The following CSNK2A2IP variants were observed in gnomAD, a reference collection of about 807,000 sequenced individuals.
The protein encoded by CSNK2A2IP is casein kinase 2 subunit alpha' interacting protein, also known as casein kinase II subunit alpha'-interacting protein.
At chr3:88,421,296 C>T in the CSNK2A2IP span, among the ~76,000 whole-genome samples, 1 of 152,172 alleles carries the variant, frequency 6.6e-6, no homozygotes, top group Non-Finnish European at 1.5e-5. Flanking sequence ...GGAGACCTCT[C>T]TACTAAGGCC....
the CSNK2A2IP span, among the ~76,000 whole-genome samples, chr3:88,411,364 T>A: frequency 6.9e-5 from 9 of 129,768 alleles, no homozygotes; most frequent in Admixed American, 4.2e-4. Flanking sequence ...TATCTATCTA[T>A]CTATCTATCT....
At chr3:88,392,300 AT>A in the CSNK2A2IP span, among the ~76,000 whole-genome samples, 1 of 152,216 alleles carries the variant, frequency 6.6e-6, no homozygotes, top group Non-Finnish European at 1.5e-5. Flanking sequence ...TCAGGAGAGA[AT>A]TCAGGAGATA....
chr3:88,439,497 A>G, the CSNK2A2IP span, among the ~76,000 whole-genome samples: 1 of 152,012 alleles, frequency 6.6e-6, no homozygotes, highest in African/African-American at 2.4e-5. Context: ...TAATCTTGGC[A>G]CTTTGGGAGG....
chr3:88,466,184 C>G, the CSNK2A2IP span: 1 of 1,231,632 alleles, frequency 8.1e-7, no homozygotes, highest in Non-Finnish European at 1.0e-6. Context: ...TTACTTGACT[C>G]TAGGCTTCAG....
chr3:88,386,117 T>C, the CSNK2A2IP span, among the ~76,000 whole-genome samples: 1 of 150,528 alleles, frequency 6.6e-6, no homozygotes, highest in African/African-American at 2.5e-5. Context: ...ATTTCTTTTC[T>C]ATGCTATTTT....
chr3:88,372,719 A>G, the CSNK2A2IP span, among the ~76,000 whole-genome samples: 1 of 151,488 alleles, frequency 6.6e-6, no homozygotes, highest in East Asian at 1.9e-4. Flanking sequence ...TATCTTGCCT[A>G]CGAGAGATGT....
chr3:88,466,078 T>C, the CSNK2A2IP span: 1 of 1,231,590 alleles, frequency 8.1e-7, no homozygotes, highest in Admixed American at 4.2e-5. Flanking sequence ...TCAAAGATCT[T>C]TGAGTTCACC....
the CSNK2A2IP span, among the ~76,000 whole-genome samples, chr3:88,434,126 G>A: frequency 6.6e-6 from 1 of 152,118 alleles, no homozygotes; most frequent in African/African-American, 2.4e-5. Flanking sequence ...GGGGCATGGA[G>A]GAGATTGGGT....
At chr3:88,341,695 G>C in the CSNK2A2IP span, among the ~76,000 whole-genome samples, 1 of 151,808 alleles carries the variant, frequency 6.6e-6, no homozygotes, top group Admixed American at 6.6e-5. Flanking sequence ...AGATGACCTT[G>C]AACTATTTTC....
the CSNK2A2IP span, among the ~76,000 whole-genome samples, chr3:88,404,453 C>T: frequency 2.0e-5 from 3 of 152,150 alleles, no homozygotes; most frequent in Non-Finnish European, 4.4e-5. Context: ...TCCAAGAAAA[C>T]TCTTCCTCTA....
At chr3:88,354,242 C>T in the CSNK2A2IP span, among the ~76,000 whole-genome samples, 1 of 152,076 alleles carries the variant, frequency 6.6e-6, no homozygotes, top group Admixed American at 6.5e-5. Context: ...TCTTTTATGG[C>T]AACACAAAAT....
the CSNK2A2IP span, among the ~76,000 whole-genome samples, chr3:88,449,874 T>TATATAGAG: frequency 8.6e-5 from 6 of 70,112 alleles, no homozygotes; most frequent in African/African-American, 2.3e-4. Flanking sequence ...TATATATATA[T>TATATAGAG]AGAGAGAGAG....
chr3:88,354,218 C>T, the CSNK2A2IP span, among the ~76,000 whole-genome samples: 1 of 152,100 alleles, frequency 6.6e-6, no homozygotes, highest in African/African-American at 2.4e-5. Context: ...TTATAAATAC[C>T]CAGCCTTAGG....
the CSNK2A2IP span, among the ~76,000 whole-genome samples, chr3:88,361,401 AT>A: frequency 6.6e-6 from 1 of 151,904 alleles, no homozygotes; most frequent in Non-Finnish European, 1.5e-5. Context: ...GGGTTGGAAG[AT>A]TTTTTTCCTC....
chr3:88,339,418 C>A, the CSNK2A2IP span, among the ~76,000 whole-genome samples: 6 of 152,028 alleles, frequency 3.9e-5, no homozygotes, highest in African/African-American at 1.2e-4. Flanking sequence ...TGTATATGTG[C>A]CACATTTTCT....
the CSNK2A2IP span, among the ~76,000 whole-genome samples, chr3:88,379,655 AC>A: frequency 6.6e-6 from 1 of 152,066 alleles, no homozygotes. Flanking sequence ...TAATGTACAA[AC>A]CCACTCAGTT....
At chr3:88,418,119 C>T in the CSNK2A2IP span, among the ~76,000 whole-genome samples, 14 of 151,976 alleles carry the variant, frequency 9.2e-5, no homozygotes, top group Non-Finnish European at 1.8e-4. Flanking sequence ...GAAAATCCAT[C>T]GAACAAACTC....
At chr3:88,393,267 G>A in the CSNK2A2IP span, among the ~76,000 whole-genome samples, 2 of 152,290 alleles carry the variant, frequency 1.3e-5, no homozygotes, top group African/African-American at 4.8e-5. Flanking sequence ...CCCAACTGAA[G>A]ACTGTTACAT....
chr3:88,425,294 A>G, the CSNK2A2IP span, among the ~76,000 whole-genome samples: 1 of 152,132 alleles, frequency 6.6e-6, no homozygotes, highest in Non-Finnish European at 1.5e-5. Flanking sequence ...GACATTTAGT[A>G]TTCTGGATAA....
Sources: allele counts gnomAD v4.1 joint callset (sites outside exome capture counted in the v4.1 genomes callset), GRCh38; gene constraint gnomAD v4.1.1; transcripts MANE v1.5; gene names NCBI Gene and HGNC (gene_info 2026-07-23, HGNC 2026-07-21).